The following CEP128 variants were observed in gnomAD, a reference collection of about 807,000 sequenced individuals.
CEP128 encodes centrosomal protein 128kDa.
In CEP128, 132 loss-of-function variants were observed where a neutral mutation model predicts 156.7. That is an observed-to-expected ratio of 0.84 (90% CI 0.73 to 0.97). CEP128 has a LOEUF of 0.97. CEP128 is among the 50% of genes least tolerant of loss of function. The pLI is 0.00. For missense variants in CEP128, 1,252 were observed against 1,281.9 expected (o/e 0.98, Z 0.36); for synonymous variants, 469 against 448.9 (o/e 1.04, Z -0.57).
At chr14:80,719,149 C>T (rs1238537154) in intron 19 of CEP128, among the ~76,000 whole-genome samples, 1 of 152,148 alleles carries the variant, frequency 6.6e-6, no homozygotes, top group Admixed American at 6.5e-5. Flanking sequence ...ATAGCAATGA[C>T]CCAGAAGCTA....
intron 8 of CEP128, among the ~76,000 whole-genome samples, chr14:80,885,060 C>T (rs1888731804): frequency 6.6e-6 from 1 of 152,206 alleles, no homozygotes; most frequent in Non-Finnish European, 1.5e-5. Flanking sequence ...TACCTGGGGC[C>T]AGACTGCCTC....
At chr14:80,656,247 T>C (rs1250819309) in intron 19 of CEP128, among the ~76,000 whole-genome samples, 2 of 123,946 alleles carry the variant, frequency 1.6e-5, no homozygotes, top group Non-Finnish European at 3.3e-5. Context: ...TGAAGGATCC[T>C]CAAGTATTTC....
chr14:80,606,438 T>C lies in CEP128; in HGVS notation c.2807-26015A>G, dbSNP rs61216637. Among the ~76,000 whole-genome samples the C allele has an allele frequency of 5.6e-3, 858 of 152,226 alleles. 6 individuals are homozygous for C. Among genetic ancestry groups the C allele is most frequent in the African/African-American group, 0.02 (819 of 41,560 alleles). On this transcript the variant is annotated intron_variant, in intron 19 of 24. Transcript: ENST00000555265. ...CAAAGAAGCCAGGCTCTGTAAACAC[T>C]ACCAGCACATTGATTGAATCAATTT...
chr14:80,956,777 G>C (rs976169911), intron 2 of CEP128, among the ~76,000 whole-genome samples: 2 of 152,150 alleles, frequency 1.3e-5, no homozygotes, highest in Non-Finnish European at 2.9e-5. Flanking sequence ...AGCTCATGAA[G>C]ACTATTTAAC....
chr14:80,938,792 A>T (rs1014126162), intron 2 of CEP128, among the ~76,000 whole-genome samples: 5 of 152,232 alleles, frequency 3.3e-5, no homozygotes, highest in Non-Finnish European at 5.9e-5. Flanking sequence ...TATTTTTTTT[A>T]AAAAACTAAG....
chr14:80,600,675 T>C (rs1892543402), intron 19 of CEP128, among the ~76,000 whole-genome samples: 1 of 152,288 alleles, frequency 6.6e-6, no homozygotes, highest in Non-Finnish European at 1.5e-5. Context: ...AAAAACAGTA[T>C]AAATGTATTT....
At chr14:80,596,842 A>AAAAAAAAG (rs1555379468) in intron 19 of CEP128, among the ~76,000 whole-genome samples, 11 of 69,810 alleles carry the variant, frequency 1.6e-4, no homozygotes, top group African/African-American at 3.1e-4. Flanking sequence ...AAAAAAAAAA[A>AAAAAAAAG]GGTGGGGGGG....
In CEP128 at chr14:80,729,058, G is replaced by GGTGTGTGTGTGTGTGTGTGTGT. The variant is rs559470308; in HGVS notation, c.2806+13995_2806+14016dup. Among the ~76,000 whole-genome samples, 95 of 105,032 alleles carry GGTGTGTGTGTGTGTGTGTGTGT rather than the reference G, an allele frequency of 9.0e-4. 5 individuals carry two copies. Among genetic ancestry groups the GGTGTGTGTGTGTGTGTGTGTGT allele is most frequent in the East Asian group, 1.9e-3 (6 of 3,202 alleles). 68.9% of individuals were successfully genotyped at this position (105,032 alleles called of 152,430 possible). A position where few individuals can be genotyped will look rare whatever the true frequency, so the allele number is the denominator to read the frequency against. Reference sequence around the variant, plus strand: ...CCTAGTCCCAGGCTGGGCTGGTGGGGGTGTGTGTGTGTGTGTGTGTGTGTG... The same window carrying GGTGTGTGTGTGTGTGTGTGTGT: ...CCTAGTCCCAGGCTGGGCTGGTGGGGGTGTGTGTGTGTGTGTGTGTGTGTGTGTGTGTGTGTGTGTGTGTGTG... On this transcript the variant is annotated intron_variant, in intron 19 of 24. Transcript: ENST00000555265.
chr14:80,527,433 A>T (rs1364881350), intron 22 of CEP128, among the ~76,000 whole-genome samples: 2 of 151,672 alleles, frequency 1.3e-5, no homozygotes, highest in African/African-American at 2.4e-5. Context: ...TCTGTCTAAA[A>T]AAAAAAAAAA....
intron 2 of CEP128, chr14:80,958,013 T>A: frequency 6.6e-6 from 1 of 152,140 alleles, no homozygotes; most frequent in East Asian, 1.9e-4. Flanking sequence ...ATAAAAAGTG[T>A]GGGTAAAACA....
intron 21 of CEP128, among the ~76,000 whole-genome samples, chr14:80,534,916 G>A (rs557628617): frequency 6.0e-5 from 9 of 150,990 alleles, no homozygotes; most frequent in South Asian, 2.1e-4. Context: ...AGTTGTTTTC[G>A]AGAATAAATA....
chr14:80,663,373 TC>T (rs1366181385), intron 19 of CEP128, among the ~76,000 whole-genome samples: 15 of 152,132 alleles, frequency 9.9e-5, no homozygotes, highest in African/African-American at 2.9e-4. Flanking sequence ...ATGATCCACC[TC>T]CAGGGAGAAG....
In CEP128 at chr14:80,840,723, T is replaced by C. The variant is rs373707598; in HGVS notation, c.808A>G (p.Ile270Val). Reference protein sequence around the residue: ...EAKADEHEGAIKNKLRQTETE... With the variant: ...EAKADEHEGAVKNKLRQTETE... The stretch of plus-strand genomic sequence containing the variant: ...TCAGTTTGTCTTAGCTTATTTTTTA[T>C]TGCCCCCTCATGCTCATCTGCTTTA... The change falls in exon 10 of 25, where the codon ATA becomes GTA. Residue 270 changes from isoleucine to valine, a missense_variant. By Grantham distance (29) the Ile-to-Val change is conservative. Transcript: ENST00000555265. 6.2e-7 allele frequency: 1 copy of C among 1,611,770 alleles called. No homozygotes were observed. Among genetic ancestry groups the C allele is most frequent in the South Asian group, 1.1e-5 (1 of 90,818 alleles).
intron 13 of CEP128, among the ~76,000 whole-genome samples, chr14:80,794,315 T>C (rs1468033634): frequency 3.3e-5 from 5 of 152,242 alleles, no homozygotes; most frequent in African/African-American, 7.2e-5. Flanking sequence ...TGGTTTGACA[T>C]TATGGCAAAC....
chr14:80,790,785 GAAAAT>G (rs1595403391), intron 14 of CEP128, among the ~76,000 whole-genome samples: 2 of 149,498 alleles, frequency 1.3e-5, no homozygotes, highest in African/African-American at 4.9e-5. Context: ...TCTTAAAGCA[GAAAAT>G]AAATTATGCT....
chr14:80,668,654 A>T (rs1450500574), intron 19 of CEP128, among the ~76,000 whole-genome samples: 5 of 152,232 alleles, frequency 3.3e-5, no homozygotes, highest in Admixed American at 3.3e-4. Flanking sequence ...ATAATGGATG[A>T]GAATTTTAAA....
At chr14:80,858,272 C>T (rs1243587338) in intron 9 of CEP128, among the ~76,000 whole-genome samples, 20 of 137,358 alleles carry the variant, frequency 1.5e-4, no homozygotes, top group African/African-American at 5.6e-4. Context: ...CTTTGACAAA[C>T]CTGAGAAAAA....
intron 19 of CEP128, among the ~76,000 whole-genome samples, chr14:80,593,688 G>A (rs10145319): frequency 0.26 from 38,812 of 151,854 alleles, 5,553 homozygotes; most frequent in African/African-American, 0.38. Flanking sequence ...ATAGACAAAC[G>A]GAGAGCCAAA....
intron 8 of CEP128, among the ~76,000 whole-genome samples, chr14:80,880,516 A>G (rs1888480257): frequency 6.6e-6 from 1 of 152,166 alleles, no homozygotes; most frequent in South Asian, 2.1e-4. Flanking sequence ...CAATTTGAAA[A>G]GAAGTAAAGT....
Sources: gnomAD v4.1 joint callset for allele counts (sites outside exome capture counted in the v4.1 genomes callset) on GRCh38, gnomAD v4.1.1 for gene constraint, MANE v1.5 for transcripts, NCBI Gene and HGNC (gene_info 2026-07-23, HGNC 2026-07-21) for gene names.